Variants in MYH10 observed in about 807,000 individuals in gnomAD.
MYH10 encodes the protein myosin-10.
Under a neutral mutation model 257.8 loss-of-function variants are expected in MYH10, and 55 were observed. The ratio of observed to expected loss-of-function variants is 0.21; its 90% CI spans 0.17 to 0.27. The LOEUF (loss-of-function observed/expected upper bound fraction) is 0.27. MYH10 is among the 10% of genes least tolerant of loss of function. The probability of loss-of-function intolerance (pLI) is 1.00; values close to 1 mark genes in which losing one functional copy is unlikely to be tolerated. For missense variants in MYH10, 1,631 were observed against 2,500.6 expected (o/e 0.65, Z 7.42); for synonymous variants, 854 against 921.7 (o/e 0.93, Z 1.33).
At chr17:8,596,880 A>G (rs1433475873) in intron 3 of MYH10, among the ~76,000 whole-genome samples, 1 of 152,178 alleles carries the variant, frequency 6.6e-6, no homozygotes, top group Admixed American at 6.5e-5. Flanking sequence ...TTAACAGCAT[A>G]TGAGATCCAT....
intron 17 of MYH10, among the ~76,000 whole-genome samples, chr17:8,528,244 G>C (rs2081910299): frequency 6.6e-6 from 1 of 152,124 alleles, no homozygotes; most frequent in Non-Finnish European, 1.5e-5. Context: ...ACATGCTTTG[G>C]ATCAGGTCTA....
chr17:8,580,291 A>G (rs2083654847), intron 4 of MYH10, among the ~76,000 whole-genome samples: 1 of 149,996 alleles, frequency 6.7e-6, no homozygotes, highest in East Asian at 2.0e-4. Flanking sequence ...TTTTTTTTTT[A>G]GGTAAACTTC....
rs1039826844 is a variant in MYH10 at position 8,490,767 on chromosome 17, T to C, written c.4672-215A>G. ...ATGCAGTTCAGAACTACAGTGCGGA[T>C]GTCTTTATTCCCACGTGTTCTCTGG... On this transcript the variant is annotated intron_variant, in intron 34 of 42. Transcript: ENST00000360416. The surrounding 1 kb of genome is among the most constrained non-coding windows in gnomAD (Gnocchi z 4.1). Among the ~76,000 whole-genome samples the C allele has an allele frequency of 5.3e-5, 8 of 152,226 alleles. No individual in the cohort carries two copies. Among genetic ancestry groups the C allele is most frequent in the Admixed American group, 2.0e-4 (3 of 15,276 alleles).
chr17:8,592,933 C>CCATATATGTA (rs1555612260), intron 3 of MYH10, among the ~76,000 whole-genome samples: 1 of 44,712 alleles, frequency 2.2e-5, no homozygotes, highest in Non-Finnish European at 4.5e-5. Context: ...TCAAATCCAG[C>CCATATATGTA]TATATATATA....
chr17:8,544,868 T>C (rs1238748913), intron 13 of MYH10, among the ~76,000 whole-genome samples: 1 of 152,182 alleles, frequency 6.6e-6, no homozygotes, highest in Non-Finnish European at 1.5e-5. Context: ...TAAACCCTGG[T>C]TATATCTGCA....
chr17:8,495,966 C>T (rs1018280031), intron 30 of MYH10, among the ~76,000 whole-genome samples: 1 of 152,146 alleles, frequency 6.6e-6, no homozygotes, highest in African/African-American at 2.4e-5. Context: ...GCCCCGGCCT[C>T]CCAAAGTGCT....
At chr17:8,628,814 T>G (rs2085780085) in intron 1 of MYH10, among the ~76,000 whole-genome samples, 1 of 152,230 alleles carries the variant, frequency 6.6e-6, no homozygotes, top group South Asian at 2.1e-4. Flanking sequence ...TCTTCCACCC[T>G]ACAACGTGCC....
At chr17:8,571,002 C>T (rs1257968339) in intron 6 of MYH10, among the ~76,000 whole-genome samples, 2 of 152,112 alleles carry the variant, frequency 1.3e-5, no homozygotes, top group Non-Finnish European at 2.9e-5. Context: ...AATCTACAAC[C>T]GTGTTCAACT....
chr17:8,524,554 T>C (rs1242344173), intron 17 of MYH10, among the ~76,000 whole-genome samples: 1 of 150,360 alleles, frequency 6.7e-6, no homozygotes, highest in East Asian at 2.0e-4. Flanking sequence ...CCCTCTGTCC[T>C]GTTCTTCCTC....
At chr17:8,597,973 C>A (rs1000879547) in intron 3 of MYH10, among the ~76,000 whole-genome samples, 2 of 151,904 alleles carry the variant, frequency 1.3e-5, no homozygotes, top group African/African-American at 4.8e-5. Context: ...AGTACCTAGT[C>A]CTTAAGATTT....
rs913332941 is a variant in MYH10, at chr17:8,550,995, A to C, written c.919+1051T>G. 2.0e-5 allele frequency among the ~76,000 whole-genome samples: 3 copies of C among 151,586 alleles called. No individual in the cohort carries two copies. In the Middle Eastern group the frequency reaches 0.01, roughly 519 times the overall value. On this transcript the variant is annotated intron_variant, in intron 9 of 42. Transcript: ENST00000360416. Reference sequence around the variant, plus strand: ...CCTAATCTCAAGTACCCAGGGACACAAACACTGCGGAAGGCCGCAGGGTCC... The same window carrying C: ...CCTAATCTCAAGTACCCAGGGACACCAACACTGCGGAAGGCCGCAGGGTCC...
intron 30 of MYH10, among the ~76,000 whole-genome samples, chr17:8,497,309 A>G (rs7226309): frequency 0.95 from 144,323 of 152,242 alleles, 68,881 homozygotes; most frequent in East Asian, 1. Context: ...TTTTCTTACC[A>G]ATAAGGACTC....
chr17:8,514,005 T>C lies in MYH10; in HGVS notation c.2505-111A>G, dbSNP rs920564866. ...GTTCTTCTTTGTCTAGGATAGGGAA[T>C]GATTGCATCAATCAAGTCCTGGGTG... On this transcript the variant is annotated intron_variant, in intron 21 of 42. Transcript: ENST00000360416. 1.6e-5 allele frequency: 15 copies of C among 920,702 alleles called. No homozygotes were observed. The African/African-American group carries it at 1.7e-4, about 10-fold the overall frequency. The allele number at this position is 920,702 out of a possible 1,614,324, so 57.0% of individuals were successfully genotyped here. A position where few individuals can be genotyped will look rare whatever the true frequency, so the allele number is the denominator to read the frequency against.
At position 8,475,587 on chromosome 17, in the gene MYH10, T is replaced by C; in HGVS notation, c.*217A>G. 1.9e-6 allele frequency: 1 copy of C among 526,016 alleles called. No homozygotes were observed. Among genetic ancestry groups the C allele is most frequent in the Non-Finnish European group, 3.3e-6 (1 of 299,590 alleles). The allele number at this position is 526,016 out of a possible 1,614,324, so 32.6% of individuals were successfully genotyped here. On this transcript the variant is annotated 3_prime_UTR_variant, in exon 43 of 43. Coordinates refer to ENST00000360416, the MANE Select transcript of MYH10 (RefSeq NM_001256012.3). ...ATAGATGCAATGATGAAACAATCTG[T>C]TTAATATATGTGTCCTGTGTGTGTC...
chr17:8,596,640 GAGT>G (rs970014627), intron 3 of MYH10, among the ~76,000 whole-genome samples: 5 of 134,992 alleles, frequency 3.7e-5, no homozygotes, highest in African/African-American at 1.3e-4. Context: ...AAGGGAGGGG[GAGT>G]AGGAGGGAGG....
At chr17:8,580,520 T>C (rs1384257933) in intron 4 of MYH10, among the ~76,000 whole-genome samples, 1 of 152,180 alleles carries the variant, frequency 6.6e-6, no homozygotes, top group East Asian at 1.9e-4. Context: ...CTTAAAATCA[T>C]AGTGCCTGGC....
intron 4 of MYH10, among the ~76,000 whole-genome samples, chr17:8,584,284 TG>T (rs372012697): frequency 5.2e-4 from 79 of 152,260 alleles, no homozygotes; most frequent in African/African-American, 1.7e-3. Flanking sequence ...TATATCCTTT[TG>T]GGGGAAAAGC....
chr17:8,623,403 C>A (rs766676747), intron 1 of MYH10, 126 bp from the exon 2 acceptor site: 185 of 875,296 alleles, frequency 2.1e-4, no homozygotes, highest in Non-Finnish European at 2.8e-4. Context: ...CTGGGGTATA[C>A]CTCTTCACAG....
At chr17:8,609,212 A>C (rs980406937) in intron 2 of MYH10, among the ~76,000 whole-genome samples, 1 of 152,224 alleles carries the variant, frequency 6.6e-6, no homozygotes, top group African/African-American at 2.4e-5. Context: ...GAGAAACAGG[A>C]AGTGTAGGCT....
Sources: allele counts gnomAD v4.1 joint callset (sites outside exome capture counted in the v4.1 genomes callset), GRCh38; gene constraint gnomAD v4.1.1; non-coding constraint Gnocchi (gnomAD v3.1); transcripts MANE v1.5; gene names NCBI Gene and HGNC (gene_info 2026-07-23, HGNC 2026-07-21).